The following PKM variants were observed in gnomAD, a reference collection of about 807,000 sequenced individuals.
PKM encodes pyruvate kinase M1/2, also known as pyruvate kinase PKM.
PKM carries 18 observed loss-of-function variants against 49.8 expected under a neutral mutation model. The observed-to-expected ratio is 0.36, with a 90% confidence interval of 0.25 to 0.54. The LOEUF (loss-of-function observed/expected upper bound fraction) is 0.54. Ranked by LOEUF, PKM falls within the 20% of genes least tolerant of loss-of-function variation. The pLI is 0.89. For missense variants in PKM, 508 were observed against 713.8 expected, an observed-to-expected ratio of 0.71 and a Z score of 3.28; for synonymous variants, 239 against 261.8, an observed-to-expected ratio of 0.91 and a Z score of 0.84.
rs778811293 is a variant in PKM, at chr15:72,208,894, G to GT, written c.566-4dup. 6.2e-7 allele frequency: 1 copy of GT among 1,613,202 alleles called. No homozygotes were observed. The highest frequency in any genetic ancestry group is 2.2e-5 in the East Asian group (1 of 44,880). ...CTCCGTCACCAGGAAGTCGGCACCTGTATGAAAAAGGGTAAGTAGGGGAGG... is the reference window on the plus strand; with the variant it reads ...CTCCGTCACCAGGAAGTCGGCACCTGTTATGAAAAAGGGTAAGTAGGGGAGG... On this transcript the variant is annotated splice_region_variant and splice_polypyrimidine_tract_variant and intron_variant, in intron 5 of 10. Transcript: ENST00000335181.
intron 1 of PKM, among the ~76,000 whole-genome samples, chr15:72,228,240 C>T (rs1237484279): frequency 2.0e-5 from 3 of 152,146 alleles, no homozygotes; most frequent in South Asian, 4.1e-4. Context: ...CGGCTGTGCC[C>T]GCTACAAAAG....
rs888236335 is a variant in PKM, at chr15:72,202,199, G to C, written c.1307+255C>G. 13 of 560,428 alleles carry C rather than the reference G, an allele frequency of 2.3e-5. No individual in the cohort carries two copies. In the Admixed American group the frequency reaches 2.7e-4, roughly 12 times the overall value. The allele number at this position is 560,428 out of a possible 1,614,324, so 34.7% of individuals were successfully genotyped here. On this transcript the variant is annotated intron_variant, in intron 9 of 10. Transcript: ENST00000335181. This position sits in a 1 kb window ranked among gnomAD's most constrained non-coding sequence, Gnocchi z 4.5. ...ACCATTTGTAGTCAGCCTGTGCACT[G>C]TTATGTAATAAATCTCCAGCATAAA... is the stretch of plus-strand genomic sequence containing the variant.
chr15:72,229,412 A>C, intron 1 of PKM: 1 of 419,566 alleles, frequency 2.4e-6, no homozygotes, highest in Non-Finnish European at 4.7e-6. Flanking sequence ...CCTGATTCTA[A>C]ACGCCTTTTT....
At chr15:72,223,369 T>C (rs191668800) in intron 1 of PKM, among the ~76,000 whole-genome samples, 3 of 152,264 alleles carry the variant, frequency 2.0e-5, no homozygotes, top group East Asian at 1.9e-4. Context: ...CCTCATCACA[T>C]AGATCAACTA....
chr15:72,227,704 C>G (rs941354055), intron 1 of PKM, among the ~76,000 whole-genome samples: 3 of 121,634 alleles, frequency 2.5e-5, no homozygotes, highest in African/African-American at 9.0e-5. Flanking sequence ...CGAGATCACA[C>G]CATTGCACTC....
Position 72,203,439 on chromosome 15 carries a change from G to T in PKM, c.1141-819C>A, listed in dbSNP as rs187883043. 4.1e-4 allele frequency: 218 copies of T among 531,920 alleles called. 1 individual carries two copies. Among genetic ancestry groups the T allele is most frequent in the African/African-American group, 3.5e-3 (182 of 52,424 alleles). The allele number at this position is 531,920 out of a possible 1,614,324, so 33.0% of individuals were successfully genotyped here. On this transcript the variant is annotated intron_variant, in intron 8 of 10. Transcript: ENST00000335181. The stretch of plus-strand genomic sequence containing the variant: ...CCCTTCTGGAAGGATTTTTTCATTG[G>T]GGGTGGAGGGAGACAATCTGGCAGT...
chr15:72,227,766 A>C (rs1470582964), intron 1 of PKM, among the ~76,000 whole-genome samples: 6 of 134,420 alleles, frequency 4.5e-5, no homozygotes, highest in African/African-American at 1.7e-4. Context: ...AAAAAAAAAA[A>C]AAAAAAAACA....
intron 1 of PKM, chr15:72,229,678 C>A (rs779936987): frequency 8.0e-7 from 1 of 1,243,104 alleles, no homozygotes; most frequent in Non-Finnish European, 1.0e-6. Flanking sequence ...AAGCTCGTAC[C>A]CCACTCCCAG....
Position 72,200,372 on chromosome 15 carries a change from G to T in PKM, c.1489+102C>A. ...GGCCTTTTGCCCCACTAAGGTCTGT[G>T]TGTTCCCCTTTCTATTCCCCAAACT... On this transcript the variant is annotated intron_variant, in intron 10 of 10. Coordinates refer to ENST00000335181, the MANE Select transcript of PKM (RefSeq NM_002654.6). The surrounding 1 kb of genome is among the most constrained non-coding windows in gnomAD (Gnocchi z 4.6). 9.5e-7 allele frequency: 1 copy of T among 1,049,070 alleles called. No homozygotes were observed. Among genetic ancestry groups the T allele is most frequent in the Non-Finnish European group, 1.5e-6 (1 of 683,908 alleles). 65.0% of individuals were successfully genotyped at this position (1,049,070 alleles called of 1,614,324 possible). A position where few individuals can be genotyped will look rare whatever the true frequency, so the allele number is the denominator to read the frequency against.
chr15:72,218,756 T>A (rs574182204), intron 2 of PKM, among the ~76,000 whole-genome samples, 188 bp downstream of exon 2: 7 of 152,346 alleles, frequency 4.6e-5, no homozygotes, highest in Admixed American at 4.6e-4. Context: ...TCTTATTAAC[T>A]GTATTTGCCA....
intron 1 of PKM, 113 bp from the exon 2 acceptor site, chr15:72,219,223 C>T: frequency 1.1e-6 from 1 of 947,698 alleles, no homozygotes; most frequent in Non-Finnish European, 1.6e-6. Context: ...ACGCTTTGTA[C>T]ACAAGCCACA....
intron 1 of PKM, chr15:72,229,791 C>A (rs1190442947): frequency 5.5e-5 from 45 of 822,716 alleles, no homozygotes; most frequent in Non-Finnish European, 6.9e-5. Flanking sequence ...TGACCCACAC[C>A]GTTTGCGTTC....
At chr15:72,217,628 T>TAA (rs1272482441) in intron 2 of PKM, 128 bp from the exon 3 acceptor site, 1 of 689,192 alleles carries the variant, frequency 1.5e-6, no homozygotes, top group Non-Finnish European at 2.6e-6. Context: ...CAAAAGTCTT[T>TAA]AAAAAGTGCA....
chr15:72,227,864 C>T lies in PKM; in HGVS notation c.-14+3252G>A, dbSNP rs544981047. Among the ~76,000 whole-genome samples, 27 of 151,308 alleles carry T rather than the reference C, an allele frequency of 1.8e-4. No individual in the cohort carries two copies. In the South Asian group the frequency reaches 5.7e-3, roughly 32 times the overall value. On this transcript the variant is annotated intron_variant, in intron 1 of 10. Transcript: ENST00000335181. ...TTTCTTCTACCTTCCTGCCCACGGCCGTTTCCTCATTTCTTCCATTGCCTC... is the reference window on the plus strand; with the variant it reads ...TTTCTTCTACCTTCCTGCCCACGGCTGTTTCCTCATTTCTTCCATTGCCTC...
At position 72,200,452 on chromosome 15, in the gene PKM, A is replaced by G; in HGVS notation, c.1489+22T>C. ...GCATCCCCAAGCTCCTCTAGGCTCT[A>G]GCCCCTGCTCCAGCCACGTACCAAC... is the stretch of plus-strand genomic sequence containing the variant. On this transcript the variant is annotated intron_variant, in intron 10 of 10. Coordinates refer to ENST00000335181, the MANE Select transcript of PKM (RefSeq NM_002654.6). The surrounding 1 kb of genome is among the most constrained non-coding windows in gnomAD (Gnocchi z 4.6). 1 of 1,610,776 alleles carries G rather than the reference A, an allele frequency of 6.2e-7. No individual in the cohort carries two copies. Among genetic ancestry groups the G allele is most frequent in the Non-Finnish European group, 8.5e-7 (1 of 1,178,560 alleles).
intron 1 of PKM, among the ~76,000 whole-genome samples, chr15:72,224,533 A>C: frequency 6.6e-6 from 1 of 152,204 alleles, no homozygotes; most frequent in South Asian, 2.1e-4. Flanking sequence ...AAAAAGTTTT[A>C]ACATCTGCCT....
In PKM at chr15:72,212,195, G is replaced by A. The variant is rs140322965; in HGVS notation, c.247-1717C>T. Among the ~76,000 whole-genome samples the A allele has an allele frequency of 2.7e-3, 417 of 152,270 alleles. 19 individuals carry two copies. Among genetic ancestry groups the A allele is most frequent in the Admixed American group, 0.021 (315 of 15,292 alleles). On this transcript the variant is annotated intron_variant, in intron 3 of 10. Transcript: ENST00000335181. ...ATAGAACAAAATAGAATAGAATAGA[G>A]GCTGGGCGCGGTGGCTCACACCTGT...
At chr15:72,218,733 ATG>A in intron 2 of PKM, among the ~76,000 whole-genome samples, 1 of 152,126 alleles carries the variant, frequency 6.6e-6, no homozygotes, top group South Asian at 2.1e-4. Flanking sequence ...CAATTTTGAA[ATG>A]TCTAATACTC....
intron 1 of PKM, among the ~76,000 whole-genome samples, chr15:72,224,012 G>A (rs528807574): frequency 2.0e-4 from 31 of 152,190 alleles, no homozygotes; most frequent in African/African-American, 7.5e-4. Context: ...TCCAACTAGA[G>A]TGTGGAATAG....
Sources: allele counts gnomAD v4.1 joint callset (sites outside exome capture counted in the v4.1 genomes callset), GRCh38; gene constraint gnomAD v4.1.1; non-coding constraint Gnocchi (gnomAD v3.1); transcripts MANE v1.5; gene names NCBI Gene and HGNC (gene_info 2026-07-23, HGNC 2026-07-21).